The following ABCA13 variants were observed in gnomAD, a reference collection of about 807,000 sequenced individuals.
ABCA13 encodes ATP-binding cassette sub-family A member 13.
ABCA13 carries 476 observed loss-of-function variants against 478.7 expected under a neutral mutation model. The observed-to-expected ratio is 0.99, with a 90% CI of 0.92 to 1.07. The LOEUF (loss-of-function observed/expected upper bound fraction) is 1.07. Ranked by LOEUF, ABCA13 falls within the 50% of genes least tolerant of loss-of-function variation. ABCA13 has a pLI of 0.00. For synonymous variants in ABCA13, 2,252 were observed against 2,158.9 expected, an observed-to-expected ratio of 1.04 and a Z score of -1.20; for missense variants, 6,060 against 5,910.6, an observed-to-expected ratio of 1.03 and a Z score of -0.83.
chr7:48,209,306 G>A lies in ABCA13; in HGVS notation c.288-10048G>A, dbSNP rs543297985. ...TGCATCTATGTTCATCAGAAATATT[G>A]GCCTCTGGTTTTCTTTTTTGTTATT... On this transcript the variant is annotated intron_variant, in intron 3 of 61. Transcript: ENST00000435803. 5.3e-3 allele frequency among the ~76,000 whole-genome samples: 804 copies of A among 152,050 alleles called. 6 individuals are homozygous for A. The highest frequency in any genetic ancestry group is 0.018 in the African/African-American group (762 of 41,488).
chr7:48,294,468 C>G (rs1799080892), intron 20 of ABCA13, among the ~76,000 whole-genome samples: 1 of 129,970 alleles, frequency 7.7e-6, no homozygotes, highest in Admixed American at 9.3e-5. Flanking sequence ...GAGACGGAGT[C>G]TCGCTCTGTC....
At chr7:48,202,664 T>A (rs150940872) in intron 3 of ABCA13, among the ~76,000 whole-genome samples, 30,418 of 121,522 alleles carry the variant, frequency 0.25, 3,308 homozygotes, top group Middle Eastern at 0.34. Context: ...AGGCCCCACC[T>A]GAGCAGCTAG....
At chr7:48,453,732 C>T (rs1825321854) in intron 42 of ABCA13, among the ~76,000 whole-genome samples, 2 of 152,228 alleles carry the variant, frequency 1.3e-5, no homozygotes, top group Admixed American at 6.5e-5. Flanking sequence ...TCCTCAGCAT[C>T]CCAAGGACTC....
chr7:48,207,111 C>T (rs1386043909), intron 3 of ABCA13, among the ~76,000 whole-genome samples: 2 of 152,132 alleles, frequency 1.3e-5, no homozygotes, highest in African/African-American at 4.8e-5. Flanking sequence ...TAATGCCTTC[C>T]AGTTGCATCC....
At chr7:48,637,397 A>AAAAAAAAAAAAAAAAC (rs1341164814) in intron 59 of ABCA13, among the ~76,000 whole-genome samples, 1 of 148,814 alleles carries the variant, frequency 6.7e-6, no homozygotes, top group African/African-American at 2.5e-5. Flanking sequence ...AAAAAAAAAA[A>AAAAAAAAAAAAAAAAC]AAAAAAAAAC....
chr7:48,374,097 A>G (rs907680939), intron 33 of ABCA13, among the ~76,000 whole-genome samples: 10 of 152,236 alleles, frequency 6.6e-5, no homozygotes, highest in African/African-American at 2.4e-4. Context: ...TGACACTTCA[A>G]GCATCTCGGT....
At chr7:48,412,795 G>A (rs1378422424) in intron 41 of ABCA13, among the ~76,000 whole-genome samples, 2 of 148,132 alleles carry the variant, frequency 1.4e-5, no homozygotes, top group African/African-American at 5.0e-5. Flanking sequence ...AAGTGAAATG[G>A]CATTCTTTTA....
At chr7:48,226,890 A>G (rs1788288460) in intron 5 of ABCA13, among the ~76,000 whole-genome samples, 1 of 152,084 alleles carries the variant, frequency 6.6e-6, no homozygotes, top group Admixed American at 6.5e-5. Context: ...TTTCTTTATC[A>G]TTTACATGTA....
chr7:48,221,278 T>C lies in ABCA13; in HGVS notation c.440-3T>C, dbSNP rs1390818205. ...AATATCTCTTAAACCTTCTTTATTA[T>C]AGATTCTTCTTATGGTTCCAGTTTT... On this transcript the variant is annotated splice_region_variant and splice_polypyrimidine_tract_variant and intron_variant, in intron 4 of 61. Transcript: ENST00000435803. 11 of 1,152,594 alleles carry C rather than the reference T, an allele frequency of 9.5e-6. No individual in the cohort carries two copies. The highest frequency in any genetic ancestry group is 6.8e-5 in the Admixed American group (3 of 44,236). 71.4% of individuals were successfully genotyped at this position (1,152,594 alleles called of 1,614,324 possible). A position where few individuals can be genotyped will look rare whatever the true frequency, so the allele number is the denominator to read the frequency against.
In ABCA13 at chr7:48,278,903, T is replaced by C. The variant is rs756313784; in HGVS notation, c.7709T>C (p.Val2570Ala). ...ATGCAACAAAGTGTTCAAAATCTTG[T>C]GAAAGAAATAGCTACTTTAAAAAAA... Reference protein sequence around the residue: ...SIMQQSVQNLVKEIATLKKID... With the variant: ...SIMQQSVQNLAKEIATLKKID... Residue 2570 changes from valine to alanine, a missense_variant, in exon 18 of 62, where the codon GTG becomes GCG. Coordinates refer to ENST00000435803, the MANE Select transcript of ABCA13 (RefSeq NM_152701.5). The C allele has an allele frequency of 9.4e-5, 152 of 1,613,208 alleles. No homozygotes were observed. Among genetic ancestry groups the C allele is most frequent in the Non-Finnish European group, 1.2e-4 (138 of 1,179,854 alleles).
chr7:48,456,856 G>A (rs1462664045), intron 43 of ABCA13, among the ~76,000 whole-genome samples: 1 of 151,562 alleles, frequency 6.6e-6, no homozygotes, highest in Non-Finnish European at 1.5e-5. Flanking sequence ...TCTTTATTTA[G>A]TTAGATTTAG....
chr7:48,586,059 A>T (rs1195069637), intron 56 of ABCA13, among the ~76,000 whole-genome samples: 1 of 152,140 alleles, frequency 6.6e-6, no homozygotes, highest in Admixed American at 6.5e-5. Context: ...AGTGACAATT[A>T]TTTTTTCTGA....
intron 55 of ABCA13, among the ~76,000 whole-genome samples, chr7:48,550,965 T>C (rs1785265251): frequency 1.3e-5 from 2 of 151,808 alleles, no homozygotes; most frequent in Non-Finnish European, 2.9e-5. Flanking sequence ...TTTCTAAATA[T>C]TTCAAGAATT....
chr7:48,228,498 G>A lies in ABCA13; in HGVS notation c.632+1073G>A, dbSNP rs143121971. ...GCAGGAGTGTGGGGTGGGAGGCACG[G>A]GTGCTGTTGGGCTTTGTAGGCTGGA... On this transcript the variant is annotated intron_variant, in intron 6 of 61. Coordinates refer to ENST00000435803, the MANE Select transcript of ABCA13 (RefSeq NM_152701.5). Among the ~76,000 whole-genome samples, 6 of 152,316 alleles carry A rather than the reference G, an allele frequency of 3.9e-5. No individual in the cohort carries two copies. In the East Asian group the frequency reaches 1.2e-3, roughly 29 times the overall value.
intron 19 of ABCA13, among the ~76,000 whole-genome samples, chr7:48,285,379 AAG>A (rs1209022736): frequency 5.3e-5 from 8 of 152,186 alleles, no homozygotes; most frequent in Admixed American, 2.0e-4. Context: ...GAGGTGGAGA[AAG>A]AGGGTACCCG....
At chr7:48,460,017 C>T (rs1276925758) in intron 43 of ABCA13, among the ~76,000 whole-genome samples, 4 of 152,044 alleles carry the variant, frequency 2.6e-5, no homozygotes, top group Non-Finnish European at 5.9e-5. Flanking sequence ...TGAGTTTGTT[C>T]CTACCCCCAA....
intron 5 of ABCA13, among the ~76,000 whole-genome samples, chr7:48,224,466 G>A (rs1041002655): frequency 1.1e-4 from 17 of 152,080 alleles, no homozygotes; most frequent in African/African-American, 3.6e-4. Flanking sequence ...GCCTGTGCAG[G>A]TCCTTGATGG....
intron 20 of ABCA13, among the ~76,000 whole-genome samples, chr7:48,290,939 G>GAAAAAAAAAAAAAAAA (rs754416012): frequency 3.8e-5 from 3 of 79,606 alleles, no homozygotes; most frequent in Admixed American, 1.5e-4. Flanking sequence ...TCACACTCAG[G>GAAAAAAAAAAAAAAAA]GAAAAAAAAA....
intron 43 of ABCA13, among the ~76,000 whole-genome samples, chr7:48,465,620 C>T (rs1826790893): frequency 6.7e-6 from 1 of 150,018 alleles, no homozygotes; most frequent in Non-Finnish European, 1.5e-5. Context: ...TTGATACATG[C>T]GTACGATGTA....
Sources: gnomAD v4.1 joint callset for allele counts (sites outside exome capture counted in the v4.1 genomes callset) on GRCh38, gnomAD v4.1.1 for gene constraint, MANE v1.5 for transcripts, NCBI Gene and HGNC (gene_info 2026-07-23, HGNC 2026-07-21) for gene names.